HYDIN: variants seen among roughly 807,000 people sequenced by gnomAD.
The protein encoded by HYDIN is axonemal central pair apparatus protein HYDIN.
In HYDIN, 132 loss-of-function variants were observed where a neutral mutation model predicts 403.9. That is an observed-to-expected ratio of 0.33 (90% CI 0.28 to 0.38). HYDIN has a LOEUF of 0.38. Among genes scored for constraint, HYDIN ranks in the 10% least tolerant of loss-of-function variants. HYDIN has a pLI of 1.00. For synonymous variants in HYDIN, 1,202 were observed against 1,891.7 expected, an observed-to-expected ratio of 0.64 and a Z score of 9.46; for missense variants, 2,827 against 5,009.5, an observed-to-expected ratio of 0.56 and a Z score of 13.15.
At chr16:71,028,116 C>A (rs1348207085) in intron 19 of HYDIN, among the ~76,000 whole-genome samples, 11 of 150,574 alleles carry the variant, frequency 7.3e-5, no homozygotes, top group Non-Finnish European at 1.6e-4. Flanking sequence ...CCCCAGCAGG[C>A]CCCACACACT....
intron 8 of HYDIN, among the ~76,000 whole-genome samples, chr16:71,134,480 A>G (rs1172150708): frequency 6.6e-6 from 1 of 152,264 alleles, no homozygotes; most frequent in East Asian, 1.9e-4. Context: ...GGGGTGCTCA[A>G]AAGAGGATTC....
chr16:71,172,265 C>T (rs1411068158), intron 5 of HYDIN, among the ~76,000 whole-genome samples: 2 of 152,288 alleles, frequency 1.3e-5, no homozygotes, highest in African/African-American at 2.4e-5. Flanking sequence ...TCAAAGCTTG[C>T]TGCCTTTTCC....
At chr16:71,157,746 G>A (rs1462554002) in intron 6 of HYDIN, among the ~76,000 whole-genome samples, 4 of 144,198 alleles carry the variant, frequency 2.8e-5, no homozygotes, top group African/African-American at 1.0e-4. Context: ...GGGAATTTGA[G>A]AGACTTGGTT....
At chr16:70,853,937 T>G (rs2038842602) in intron 73 of HYDIN, among the ~76,000 whole-genome samples, 1 of 147,072 alleles carries the variant, frequency 6.8e-6, no homozygotes. Flanking sequence ...TGGAGTTCAG[T>G]GAGGTAATCT....
Position 71,130,148 on chromosome 16 carries a change from T to C in HYDIN, c.1044-325A>G, listed in dbSNP as rs545343822. 7.2e-5 allele frequency among the ~76,000 whole-genome samples: 11 copies of C among 152,390 alleles called. No individual in the cohort carries two copies. In the East Asian group the frequency reaches 2.1e-3, roughly 29 times the overall value. ...TAATCCTGTTTTCCAGGCTGCTTTT[T>C]AAATATTTAACATCTATTCTGCCCC... On this transcript the variant is annotated intron_variant, in intron 8 of 85. Coordinates refer to ENST00000393567, the MANE Select transcript of HYDIN (RefSeq NM_001270974.2).
chr16:70,964,694 T>C, intron 37 of HYDIN, 34 bp downstream of exon 37: 2 of 1,611,264 alleles, frequency 1.2e-6, no homozygotes, highest in Non-Finnish European at 1.7e-6. Context: ...AAGGCAATGG[T>C]TAGCATGAGG....
chr16:70,966,683 G>A (rs1452722093), intron 36 of HYDIN, among the ~76,000 whole-genome samples: 14 of 150,644 alleles, frequency 9.3e-5, no homozygotes, highest in Non-Finnish European at 1.6e-4. Flanking sequence ...TGAAGAAAAT[G>A]TAAGCCAAGA....
intron 18 of HYDIN, among the ~76,000 whole-genome samples, chr16:71,058,614 A>T (rs1433716017): frequency 1.7e-5 from 2 of 118,648 alleles, no homozygotes; most frequent in Admixed American, 7.9e-5. Context: ...ATAAATAAAT[A>T]AAATTAAAAA....
At chr16:70,846,943 C>T (rs1375782587) in intron 75 of HYDIN, among the ~76,000 whole-genome samples, 22 of 130,854 alleles carry the variant, frequency 1.7e-4, no homozygotes, top group South Asian at 1.2e-3. Context: ...TGTCTCTGCA[C>T]GTGAGATGGG....
At chr16:70,967,626 C>T (rs783723) in intron 36 of HYDIN, among the ~76,000 whole-genome samples, 592 of 146,222 alleles carry the variant, frequency 4.0e-3, no homozygotes, top group African/African-American at 0.015. Flanking sequence ...GGACTACAGG[C>T]GCCTTCCACC....
intron 13 of HYDIN, among the ~76,000 whole-genome samples, chr16:71,073,029 A>G (rs1421645906): frequency 6.6e-6 from 1 of 152,182 alleles, no homozygotes; most frequent in Non-Finnish European, 1.5e-5. Context: ...AAATACTCTC[A>G]CTGGGGATCT....
chr16:70,934,073 G>A (rs1373547696), intron 45 of HYDIN, among the ~76,000 whole-genome samples: 1 of 152,148 alleles, frequency 6.6e-6, no homozygotes, highest in African/African-American at 2.4e-5. Flanking sequence ...AAAGAAGAGC[G>A]ATCCAAGGAG....
chr16:71,126,622 C>T (rs731317), intron 9 of HYDIN, among the ~76,000 whole-genome samples: 180 of 139,146 alleles, frequency 1.3e-3, no homozygotes, highest in South Asian at 4.2e-3. Context: ...GATGGGTGGC[C>T]CTGGGACCAC....
chr16:70,990,204 C>T (rs1250093652), intron 25 of HYDIN, among the ~76,000 whole-genome samples: 1 of 151,014 alleles, frequency 6.6e-6, no homozygotes, highest in African/African-American at 2.4e-5. Context: ...AAGACCACCC[C>T]GGGCAACATG....
intron 27 of HYDIN, 117 bp from the exon 28 acceptor site, chr16:70,985,439 C>T (rs2079162596): frequency 5.6e-6 from 6 of 1,065,844 alleles, no homozygotes; most frequent in Non-Finnish European, 8.1e-6. Flanking sequence ...AAATACTGGT[C>T]AATCTACATC....
At chr16:71,087,256 G>T (rs1260720251) in intron 12 of HYDIN, among the ~76,000 whole-genome samples, 1 of 152,154 alleles carries the variant, frequency 6.6e-6, no homozygotes, top group Non-Finnish European at 1.5e-5. Flanking sequence ...ACCCTAGACT[G>T]GGTGGCTTAA....
intron 7 of HYDIN, among the ~76,000 whole-genome samples, chr16:71,137,720 TTGA>T (rs2084986279): frequency 1.3e-5 from 2 of 152,162 alleles, no homozygotes; most frequent in South Asian, 4.1e-4. Flanking sequence ...ATGCATGAGC[TTGA>T]TTTGTCATTC....
At chr16:70,977,045 G>A (rs1224720068) in intron 30 of HYDIN, among the ~76,000 whole-genome samples, 2 of 152,190 alleles carry the variant, frequency 1.3e-5, no homozygotes, top group African/African-American at 4.8e-5. Flanking sequence ...CTACTCAAGG[G>A]AACCAGCTTG....
chr16:70,804,953 G>A lies in HYDIN; in HGVS notation c.*2627C>T, dbSNP rs2035045038. 6.6e-6 allele frequency among the ~76,000 whole-genome samples: 1 copy of A among 152,230 alleles called. No homozygotes were observed. Among genetic ancestry groups the A allele is most frequent in the Non-Finnish European group, 1.5e-5 (1 of 68,038 alleles). On this transcript the variant is annotated 3_prime_UTR_variant, in exon 86 of 86. Coordinates refer to ENST00000393567, the MANE Select transcript of HYDIN (RefSeq NM_001270974.2). ...GCTATAAGCCATGCTGGGGCTGGTG[G>A]CATGTTAGACAAGATTTCAGACAGC...
Sources: allele counts gnomAD v4.1 joint callset (sites outside exome capture counted in the v4.1 genomes callset), GRCh38; gene constraint gnomAD v4.1.1; transcripts MANE v1.5; gene names NCBI Gene and HGNC (gene_info 2026-07-23, HGNC 2026-07-21).